Variants in ARHGEF3 observed in about 807,000 individuals in gnomAD.
ARHGEF3 encodes the protein 59.8 kDA protein.
In ARHGEF3, 28 loss-of-function variants were observed where a neutral mutation model predicts 63.2. The observed-to-expected ratio is 0.44, with a 90% CI of 0.33 to 0.61. ARHGEF3 has a LOEUF of 0.61. ARHGEF3 is among the 20% of genes least tolerant of loss of function. The probability of loss-of-function intolerance (pLI) is 0.03; values close to 1 mark genes in which losing one functional copy is unlikely to be tolerated. For missense variants in ARHGEF3, 533 were observed against 659.3 expected (o/e 0.81, Z 2.10); for synonymous variants, 266 against 254.2 (o/e 1.05, Z -0.44).
chr3:56,858,372 G>C lies in ARHGEF3; in HGVS notation c.192+23920C>G, dbSNP rs959774846. On this transcript the variant is annotated intron_variant, in intron 4 of 12. Coordinates refer to the ARHGEF3 transcript ENST00000338458. ...TCCAGGTTTTGTAGGAATTTTAATG[G>C]GTTTAAGCCTAGTAATTAAATATAT... is the stretch of plus-strand genomic sequence containing the variant. Among the ~76,000 whole-genome samples, 6 of 152,066 alleles carry C rather than the reference G, an allele frequency of 3.9e-5. No homozygotes were observed. The East Asian group carries it at 7.7e-4, about 20-fold the overall frequency.
chr3:57,017,061 CACACGA>C (rs1351711038), intron 2 of ARHGEF3, among the ~76,000 whole-genome samples: 5 of 151,122 alleles, frequency 3.3e-5, no homozygotes, highest in Non-Finnish European at 7.4e-5. Flanking sequence ...CACACACACA[CACACGA>C]GTCACCAAAC....
At chr3:56,925,745 C>T (rs2108378851) in intron 3 of ARHGEF3, among the ~76,000 whole-genome samples, 1 of 152,266 alleles carries the variant, frequency 6.6e-6, no homozygotes, top group Non-Finnish European at 1.5e-5. Flanking sequence ...GGAGTCTAGG[C>T]CTGCAGCACA....
At chr3:56,825,521 AT>A (rs1214830199) in intron 4 of ARHGEF3, among the ~76,000 whole-genome samples, 1 of 150,614 alleles carries the variant, frequency 6.6e-6, no homozygotes, top group East Asian at 2.0e-4. Context: ...GACAAATTCC[AT>A]TTAGGATCTC....
At chr3:56,823,493 T>C (rs1433516125) in intron 4 of ARHGEF3, among the ~76,000 whole-genome samples, 1 of 152,118 alleles carries the variant, frequency 6.6e-6, no homozygotes, top group African/African-American at 2.4e-5. Context: ...CCTCCTGCCC[T>C]TCACCTTGCT....
At chr3:56,734,526 A>T (rs567549519) in intron 8 of ARHGEF3, among the ~76,000 whole-genome samples, 1 of 152,356 alleles carries the variant, frequency 6.6e-6, no homozygotes, top group African/African-American at 2.4e-5. Context: ...GCCTATTCTC[A>T]GCACCATGCA....
intron 1 of ARHGEF3, among the ~76,000 whole-genome samples, chr3:57,061,680 T>C (rs982688945): frequency 7.2e-5 from 11 of 152,218 alleles, no homozygotes; most frequent in African/African-American, 2.7e-4. Flanking sequence ...GACTATATGA[T>C]ACCTCTATGT....
intron 4 of ARHGEF3, among the ~76,000 whole-genome samples, chr3:56,860,485 T>C (rs1353268330): frequency 6.6e-6 from 1 of 152,188 alleles, no homozygotes; most frequent in Non-Finnish European, 1.5e-5. Flanking sequence ...ATAACAGATA[T>C]GGTGGCAGAT....
In ARHGEF3 at chr3:56,916,366, G is replaced by A. The variant is rs367575795; in HGVS notation, c.130-34012C>T. On this transcript the variant is annotated intron_variant, in intron 3 of 12. Transcript: ENST00000338458. ...TGGGGCGCTCTGACCTCATCCACCC[G>A]GACTCACCGGCTCCTAACTGCAGTG... 1.4e-5 allele frequency: 22 copies of A among 1,533,924 alleles called. No individual in the cohort carries two copies. The East Asian group carries it at 1.5e-4, about 10-fold the overall frequency.
chr3:56,869,544 T>C (rs1022698383), intron 4 of ARHGEF3, among the ~76,000 whole-genome samples: 3 of 152,182 alleles, frequency 2.0e-5, no homozygotes, highest in African/African-American at 7.2e-5. Flanking sequence ...ATTCTATGCA[T>C]GGTAAGATCA....
chr3:57,037,797 C>A (rs1240794156), intron 1 of ARHGEF3, among the ~76,000 whole-genome samples: 1 of 152,192 alleles, frequency 6.6e-6, no homozygotes, highest in Non-Finnish European at 1.5e-5. Flanking sequence ...ATGGTGTGAA[C>A]CCGGGAGGCG....
At chr3:56,803,281 T>C (rs542013612), upstream of ARHGEF3, among the ~76,000 whole-genome samples, 70 of 151,404 alleles carry the variant, frequency 4.6e-4, no homozygotes, top group Non-Finnish European at 1.9e-4. Context: ...ACAAAAAAAA[T>C]ACAAAAAATT....
At chr3:56,849,777 T>C (rs183156534) in intron 4 of ARHGEF3, among the ~76,000 whole-genome samples, 2 of 152,232 alleles carry the variant, frequency 1.3e-5, no homozygotes, top group East Asian at 1.9e-4. Context: ...TGAAAACACA[T>C]TTTCATCTAG....
chr3:57,055,444 G>C (rs1277989559), intron 1 of ARHGEF3, among the ~76,000 whole-genome samples: 1 of 152,162 alleles, frequency 6.6e-6, no homozygotes, highest in East Asian at 1.9e-4. Context: ...TTACAGGCCT[G>C]AGTCACCCCG....
At chr3:56,796,638 A>G (rs2037384533) in intron 1 of ARHGEF3, among the ~76,000 whole-genome samples, 3 of 152,210 alleles carry the variant, frequency 2.0e-5, no homozygotes, top group South Asian at 2.1e-4. Context: ...TTTGAGCATC[A>G]GGCAATTTTT....
intron 4 of ARHGEF3, among the ~76,000 whole-genome samples, chr3:56,874,310 G>A (rs1009245129): frequency 6.6e-6 from 1 of 152,116 alleles, no homozygotes; most frequent in Non-Finnish European, 1.5e-5. Flanking sequence ...TCAGCTAGAG[G>A]CCTGGTCTCC....
chr3:56,750,689 G>C (rs1455339796), intron 6 of ARHGEF3, among the ~76,000 whole-genome samples: 2 of 87,898 alleles, frequency 2.3e-5, no homozygotes, highest in East Asian at 3.0e-4. Context: ...TTTTTTTTTT[G>C]GTAGTGGATA....
chr3:56,972,915 G>A (rs1700975477), intron 2 of ARHGEF3, among the ~76,000 whole-genome samples: 1 of 151,972 alleles, frequency 6.6e-6, no homozygotes, highest in African/African-American at 2.4e-5. Flanking sequence ...GCAGGGAGGA[G>A]GTGAGGAAGT....
chr3:56,755,270 G>T, intron 2 of ARHGEF3, 119 bp from the exon 3 acceptor site: 2 of 1,151,538 alleles, frequency 1.7e-6, no homozygotes, highest in Non-Finnish European at 2.5e-6. Flanking sequence ...AGAGGACATT[G>T]CCACAAGGCC....
intron 1 of ARHGEF3, among the ~76,000 whole-genome samples, chr3:57,036,729 T>C (rs1703978876): frequency 6.6e-6 from 1 of 152,206 alleles, no homozygotes; most frequent in Non-Finnish European, 1.5e-5. Flanking sequence ...CAGCCTGTCA[T>C]CGTCCAGGCA....
Sources: gnomAD v4.1 joint callset for allele counts (sites outside exome capture counted in the v4.1 genomes callset) on GRCh38, gnomAD v4.1.1 for gene constraint, MANE v1.5 for transcripts, NCBI Gene and HGNC (gene_info 2026-07-23, HGNC 2026-07-21) for gene names.